The following ING5 variants were observed in gnomAD, a reference collection of about 807,000 sequenced individuals.
ING5 encodes the protein inhibitor of growth protein 5.
A neutral mutation model predicts 37.4 loss-of-function variants in ING5; 17 were observed. The ratio of observed to expected loss-of-function variants is 0.45; its 90% CI spans 0.31 to 0.68. ING5 has a LOEUF of 0.68. ING5 is among the 30% of genes least tolerant of loss of function. The pLI is 0.05. For missense variants in ING5, 233 were observed against 311.9 expected (o/e 0.75, Z 1.91); for synonymous variants, 123 against 116.6 (o/e 1.06, Z -0.36).
rs1175555497 is a variant in ING5 at position 241,726,962 on chromosome 2, A to AT, written c.*1937dup. ...AGGCGCCCGCCACCACGCCTGGCTA[A>AT]TTTTTTATATTTTTAGTAGAGACAG... On this transcript the variant is annotated 3_prime_UTR_variant, in exon 8 of 8. Transcript: ENST00000313552. 4 of 151,918 alleles carry AT rather than the reference A, an allele frequency of 2.6e-5. No individual in the cohort carries two copies. Among genetic ancestry groups the AT allele is most frequent in the African/African-American group, 7.3e-5 (3 of 41,322 alleles). The allele number at this position is 151,918 out of a possible 1,614,324, so 9.4% of individuals were successfully genotyped here. A position where few individuals can be genotyped will look rare whatever the true frequency, so the allele number is the denominator to read the frequency against.
chr2:241,701,166 G>T (rs531401551), upstream of ING5, among the ~76,000 whole-genome samples: 1 of 145,558 alleles, frequency 6.9e-6, no homozygotes, highest in South Asian at 2.2e-4. Context: ...GTTTCAACAC[G>T]TTGGCCAGGC....
chr2:241,723,675 G>C lies in ING5; in HGVS notation c.680+404G>C, dbSNP rs968288646. On this transcript the variant is annotated intron_variant, in intron 7 of 7. Transcript: ENST00000313552. ...AGCATGAGATGTGAGCCCTGAAGCC[G>C]GGGCATGGATCTGGGGCTCTGCCCC... 41 of 1,284,014 alleles carry C rather than the reference G, an allele frequency of 3.2e-5. No individual in the cohort carries two copies. In the African/African-American group the frequency reaches 5.8e-4, roughly 18 times the overall value. 79.5% of individuals were successfully genotyped at this position (1,284,014 alleles called of 1,614,324 possible).
At position 241,725,591 on chromosome 2, in the gene ING5, C is replaced by T. The variant is rs1401056464; in HGVS notation, c.*560C>T. 5 of 152,534 alleles carry T rather than the reference C, an allele frequency of 3.3e-5. No homozygotes were observed. In the East Asian group the frequency reaches 9.7e-4, roughly 30 times the overall value. The allele number at this position is 152,534 out of a possible 1,614,324, so 9.4% of individuals were successfully genotyped here. ...GGCCCGGGAGGGCTGGGGGCTCTTCCCTGGAGGAAGCGGCCTCCGCTTCGC... is the reference window on the plus strand; with the variant it reads ...GGCCCGGGAGGGCTGGGGGCTCTTCTCTGGAGGAAGCGGCCTCCGCTTCGC... On this transcript the variant is annotated 3_prime_UTR_variant, in exon 8 of 8. Transcript: ENST00000313552.
rs139872162 is a variant in ING5 at position 241,691,643 on chromosome 2, C to T, written c.43+990C>T. 5.9e-5 allele frequency among the ~76,000 whole-genome samples: 9 copies of T among 152,178 alleles called. No individual in the cohort carries two copies. The East Asian group carries it at 1.7e-3, about 29-fold the overall frequency. ...GCTGGAAGTCCAAGATTAAGGTGCC[C>T]GACAGATTGCTGCCTGGTACGGGCT... On this transcript the variant is annotated intron_variant, in intron 2 of 7. Coordinates refer to the ING5 transcript ENST00000636051.
rs958915949 is a variant in ING5, at chr2:241,706,535, A to G, written c.109+1811A>G. ...TCCCAGCTAATTGGGAGGCTGAGGC[A>G]GGAGAATCACTTGAACCTGGAGGCG... On this transcript the variant is annotated intron_variant, in intron 2 of 7. Transcript: ENST00000313552. Among the ~76,000 whole-genome samples the G allele has an allele frequency of 6.0e-5, 9 of 150,518 alleles. 1 individual carries two copies. The Admixed American group carries it at 6.1e-4, about 10-fold the overall frequency.
intron 2 of ING5, among the ~76,000 whole-genome samples, chr2:241,692,124 T>A (rs2069565512): frequency 6.6e-6 from 1 of 151,738 alleles, no homozygotes; most frequent in Non-Finnish European, 1.5e-5. Context: ...GAGGGGGAAA[T>A]GGAATAACCG....
At chr2:241,687,497 C>G (rs2069457750) in exon 1 of ING5, 1 of 397,016 alleles carries the variant, frequency 2.5e-6, no homozygotes, top group African/African-American at 2.1e-5. Flanking sequence ...CGCAAAACTG[C>G]AGGGCTCTGG....
At chr2:241,705,170 G>A (rs2069864826) in intron 2 of ING5, among the ~76,000 whole-genome samples, 1 of 152,012 alleles carries the variant, frequency 6.6e-6, no homozygotes, top group South Asian at 2.1e-4. Flanking sequence ...TGCCTCCTGG[G>A]TTCACACCAT....
upstream of ING5, among the ~76,000 whole-genome samples, chr2:241,697,450 A>G (rs1454228494): frequency 1.3e-5 from 2 of 151,924 alleles, no homozygotes; most frequent in Non-Finnish European, 2.9e-5. Context: ...AAAAAAAAAA[A>G]AAAGTACATG....
At chr2:241,714,351 G>A (rs1360903150) in intron 5 of ING5, among the ~76,000 whole-genome samples, 1 of 152,094 alleles carries the variant, frequency 6.6e-6, no homozygotes. Context: ...TATTCTAAGT[G>A]TACAGTTTGA....
chr2:241,693,387 C>T (rs1004336189), intron 2 of ING5, among the ~76,000 whole-genome samples: 4 of 151,986 alleles, frequency 2.6e-5, no homozygotes, highest in South Asian at 2.1e-4. Flanking sequence ...CCAGGAGCTT[C>T]GAGTTGTGCT....
chr2:241,712,307 G>A (rs2070135974), intron 5 of ING5: 3 of 444,272 alleles, frequency 6.8e-6, no homozygotes, highest in South Asian at 3.3e-5. Context: ...TAGGGCTGCT[G>A]TGGTGCGGCT....
At chr2:241,687,031 G>A, upstream of ING5, 1 of 490,244 alleles carries the variant, frequency 2.0e-6, no homozygotes, top group Non-Finnish European at 3.3e-6. Context: ...TGTCCCGTGC[G>A]GGCCTCCGTC....
At chr2:241,724,003 C>A (rs1265956435) in intron 7 of ING5, 1 of 1,347,588 alleles carries the variant, frequency 7.4e-7, no homozygotes, top group Admixed American at 2.9e-5. Context: ...GAGCAAGACC[C>A]TGTCTCAAAT....
intron 5 of ING5, among the ~76,000 whole-genome samples, chr2:241,717,801 T>C (rs1265116632): frequency 6.6e-6 from 1 of 152,140 alleles, no homozygotes; most frequent in Non-Finnish European, 1.5e-5. Context: ...GCGTGGAACT[T>C]GTTGAGCATC....
At chr2:241,720,069 G>T in intron 5 of ING5, 1 of 1,242,396 alleles carries the variant, frequency 8.0e-7, no homozygotes, top group African/African-American at 1.5e-5. Context: ...CGCCAAGGAG[G>T]CCCCTTCCAG....
chr2:241,693,142 C>T (rs1292305239), intron 2 of ING5, among the ~76,000 whole-genome samples: 3 of 151,428 alleles, frequency 2.0e-5, no homozygotes, highest in Non-Finnish European at 2.9e-5. Flanking sequence ...GCCTGTAATC[C>T]CAGCTACTCA....
chr2:241,697,376 A>C (rs1199327669), upstream of ING5, among the ~76,000 whole-genome samples: 1 of 149,016 alleles, frequency 6.7e-6, no homozygotes, highest in African/African-American at 2.5e-5. Flanking sequence ...CGGAGCTTGC[A>C]GTGAGCCGAG....
chr2:241,721,161 G>T (rs1188149710), intron 5 of ING5: 10 of 985,476 alleles, frequency 1.0e-5, no homozygotes, highest in African/African-American at 1.7e-5. Context: ...CGGGTGAGAG[G>T]TGACTCGAGG....
Sources: allele counts gnomAD v4.1 joint callset (sites outside exome capture counted in the v4.1 genomes callset), GRCh38; gene constraint gnomAD v4.1.1; transcripts MANE v1.5; gene names NCBI Gene and HGNC (gene_info 2026-07-23, HGNC 2026-07-21).